The following ZSCAN25 variants were observed in gnomAD, a reference collection of about 807,000 sequenced individuals.
ZSCAN25 encodes zinc finger and SCAN domain-containing protein 25.
ZSCAN25 carries 27 observed loss-of-function variants against 38.7 expected under a neutral mutation model. The ratio of observed to expected loss-of-function variants is 0.70; its 90% CI spans 0.51 to 0.96. The LOEUF (loss-of-function observed/expected upper bound fraction) is 0.96. Among genes scored for constraint, ZSCAN25 ranks in the 40% least tolerant of loss-of-function variants. The pLI is 0.00. For synonymous variants in ZSCAN25, 273 were observed against 277.7 expected (o/e 0.98, Z 0.17); for missense variants, 637 against 705.9 (o/e 0.90, Z 1.11).
chr7:99,665,532 C>A, the ZSCAN25 span, among the ~76,000 whole-genome samples: 1 of 152,180 alleles, frequency 6.6e-6, no homozygotes, highest in African/African-American at 2.4e-5. Flanking sequence ...AGACACCAAG[C>A]TGAGTTAGAC....
At chr7:99,689,461 A>G in the ZSCAN25 span, among the ~76,000 whole-genome samples, 1 of 152,206 alleles carries the variant, frequency 6.6e-6, no homozygotes, top group Non-Finnish European at 1.5e-5. Flanking sequence ...CCCAAGACTA[A>G]ACCAGGAAGA....
the ZSCAN25 span, among the ~76,000 whole-genome samples, chr7:99,736,164 C>G: frequency 6.6e-6 from 1 of 152,152 alleles, no homozygotes; most frequent in African/African-American, 2.4e-5. Context: ...GGTTCTTTGC[C>G]AAAGAGTGGC....
chr7:99,722,923 C>A, the ZSCAN25 span, among the ~76,000 whole-genome samples: 1 of 152,132 alleles, frequency 6.6e-6, no homozygotes, highest in Admixed American at 6.6e-5. Flanking sequence ...AAAGTGGACT[C>A]GCTTTCCAGT....
intron 6 of ZSCAN25, 148 bp from the exon 7 acceptor site, chr7:99,623,909 C>T (rs1807224109): frequency 1.2e-5 from 13 of 1,113,366 alleles, no homozygotes; most frequent in Non-Finnish European, 1.5e-5. Context: ...GCCACAGAGG[C>T]TCACAACTGC....
At chr7:99,697,462 G>T in the ZSCAN25 span, among the ~76,000 whole-genome samples, 5 of 152,192 alleles carry the variant, frequency 3.3e-5, no homozygotes, top group Non-Finnish European at 5.9e-5. Flanking sequence ...TGGCTGAAAA[G>T]TATGGTGTAT....
chr7:99,618,489 A>G (rs1208127090), intron 1 of ZSCAN25, 36 bp from the exon 2 acceptor site: 1 of 152,216 alleles, frequency 6.6e-6, no homozygotes, highest in African/African-American at 2.4e-5. Flanking sequence ...GTCATTTGTC[A>G]TAATGGTATA....
chr7:99,617,915 C>T (rs1215224800), intron 1 of ZSCAN25, among the ~76,000 whole-genome samples: 1 of 152,210 alleles, frequency 6.6e-6, no homozygotes, highest in Non-Finnish European at 1.5e-5. Context: ...ATTAAATGCA[C>T]TAGTGGAGTG....
At chr7:99,652,583 C>T in the ZSCAN25 span, 3 of 1,613,436 alleles carry the variant, frequency 1.9e-6, no homozygotes, top group Non-Finnish European at 2.5e-6. Flanking sequence ...AGGCTCTGTC[C>T]AGTACTTTGG....
At chr7:99,623,069 G>A (rs1391424724) in intron 6 of ZSCAN25, among the ~76,000 whole-genome samples, 1 of 152,192 alleles carries the variant, frequency 6.6e-6, no homozygotes, top group Admixed American at 6.5e-5. Flanking sequence ...GCCTCCCAAA[G>A]TGCTGGGATT....
At chr7:99,702,006 G>A in the ZSCAN25 span, among the ~76,000 whole-genome samples, 1 of 151,758 alleles carries the variant, frequency 6.6e-6, no homozygotes, top group Non-Finnish European at 1.5e-5. Context: ...TATTACTTCA[G>A]CATTTTTTGT....
rs765554490 is a variant in ZSCAN25, at chr7:99,622,583, C to T, written c.624C>T (p.Pro208=). Residue 208 remains proline (P), a synonymous_variant, in exon 6 of 8, where the codon CCC becomes CCT. Transcript: ENST00000394152. ...LPVLQAGPGL[P]AVNPRDQEMA... is the part of the protein sequence containing the mutation. ...TTCTGCAGGCGGGTCCTGGCCTCCC[C>T]GCAGTGAATCCCAGAGACCAAGAGA... 18 of 1,614,064 alleles carry T rather than the reference C, an allele frequency of 1.1e-5. No homozygotes were observed. The highest frequency in any genetic ancestry group is 2.2e-5 in the East Asian group (1 of 44,898).
the ZSCAN25 span, among the ~76,000 whole-genome samples, chr7:99,676,761 C>T: frequency 6.6e-6 from 1 of 152,184 alleles, no homozygotes; most frequent in Non-Finnish European, 1.5e-5. Flanking sequence ...TCTAGCCCTT[C>T]TTAAACGTTC....
At position 99,622,740 on chromosome 7, in the gene ZSCAN25, A is replaced by C. The variant is rs1034169892; in HGVS notation, c.681+100A>C. 1.7e-4 allele frequency: 187 copies of C among 1,104,602 alleles called. 2 individuals carry two copies. In the South Asian group the frequency reaches 2.5e-3, roughly 15 times the overall value. The allele number at this position is 1,104,602 out of a possible 1,614,324, so 68.4% of individuals were successfully genotyped here. A position where few individuals can be genotyped will look rare whatever the true frequency, so the allele number is the denominator to read the frequency against. On this transcript the variant is annotated intron_variant, in intron 6 of 7. Transcript: ENST00000394152. ...CACAACAGTGTTCCCTTCCCGCCCC[A>C]AGTTGAGTCATTCTCCCTTCCTAGT...
chr7:99,722,485 T>C, the ZSCAN25 span: 2 of 1,080,318 alleles, frequency 1.9e-6, no homozygotes, highest in Non-Finnish European at 2.7e-6. Flanking sequence ...AGAGATGTCA[T>C]AAGAGAAAGG....
chr7:99,622,768 C>T (rs372225894), intron 6 of ZSCAN25, 128 bp downstream of exon 6: 32 of 796,216 alleles, frequency 4.0e-5, no homozygotes, highest in South Asian at 2.6e-4. Flanking sequence ...TTCCTAGTCC[C>T]GGTGGACCTG....
chr7:99,623,271 G>T (rs945538011), intron 6 of ZSCAN25, among the ~76,000 whole-genome samples: 1 of 152,216 alleles, frequency 6.6e-6, no homozygotes, highest in African/African-American at 2.4e-5. Flanking sequence ...CAGGAATGTG[G>T]CTGACTCAGG....
chr7:99,666,023 C>T, the ZSCAN25 span, among the ~76,000 whole-genome samples: 1 of 152,204 alleles, frequency 6.6e-6, no homozygotes, highest in Non-Finnish European at 1.5e-5. Flanking sequence ...TTACACCTGT[C>T]GTTCCTGCAT....
the ZSCAN25 span, chr7:99,717,629 G>A: frequency 4.3e-6 from 7 of 1,613,358 alleles, no homozygotes; most frequent in Non-Finnish European, 5.9e-6. Flanking sequence ...AAATCCCACT[G>A]GCCCGAAAGG....
intron 1 of ZSCAN25, chr7:99,618,031 A>G (rs1806617862): frequency 6.6e-6 from 1 of 152,240 alleles, no homozygotes; most frequent in Non-Finnish European, 1.5e-5. Context: ...AGATAAATAC[A>G]CAAACTCACA....
Sources: gnomAD v4.1 joint callset for allele counts (sites outside exome capture counted in the v4.1 genomes callset) on GRCh38, gnomAD v4.1.1 for gene constraint, MANE v1.5 for transcripts, NCBI Gene and HGNC (gene_info 2026-07-23, HGNC 2026-07-21) for gene names.